The following CLPTM1L variants were observed in gnomAD, a reference collection of about 807,000 sequenced individuals.
The protein encoded by CLPTM1L is lipid scramblase CLPTM1L.
Under a neutral mutation model 70.9 loss-of-function variants are expected in CLPTM1L, and 38 were observed. The observed-to-expected ratio is 0.54, with a 90% CI of 0.41 to 0.70. The LOEUF (loss-of-function observed/expected upper bound fraction) is 0.70, where lower values mean the gene tolerates loss of function less well. Among genes scored for constraint, CLPTM1L ranks in the 30% least tolerant of loss-of-function variants. The pLI, the probability that CLPTM1L is intolerant of heterozygous loss-of-function variation, is 0.00. For synonymous variants in CLPTM1L, 339 were observed against 299.9 expected (o/e 1.13, Z -1.35); for missense variants, 652 against 705.9 (o/e 0.92, Z 0.87).
rs1350556545 is a variant in CLPTM1L, at chr5:1,342,057, C to T, written c.264-197G>A. 3.3e-5 allele frequency among the ~76,000 whole-genome samples: 5 copies of T among 151,830 alleles called. No homozygotes were observed. Among genetic ancestry groups the T allele is most frequent in the Admixed American group, 6.6e-5 (1 of 15,260 alleles). ...GTGTGTGTGCACGCGCACGCGTGCGCGTCCTGAGAACTCGGCACAGGTGTG... is the reference window on the plus strand; with the variant it reads ...GTGTGTGTGCACGCGCACGCGTGCGTGTCCTGAGAACTCGGCACAGGTGTG... On this transcript the variant is annotated intron_variant, in intron 2 of 16. Coordinates refer to ENST00000320895, the MANE Select transcript of CLPTM1L (RefSeq NM_030782.5). This position sits in a 1 kb window ranked among gnomAD's most constrained non-coding sequence, Gnocchi z 4.3.
chr5:1,327,526 A>G (rs958647605), intron 9 of CLPTM1L, among the ~76,000 whole-genome samples: 1 of 147,736 alleles, frequency 6.8e-6, no homozygotes, highest in Non-Finnish European at 1.5e-5. Flanking sequence ...CATTCCATCC[A>G]GCTCCTCCTC....
intron 9 of CLPTM1L, 194 bp from the exon 10 acceptor site, chr5:1,326,010 C>T (rs1054487069): frequency 1.2e-5 from 7 of 573,414 alleles, no homozygotes; most frequent in Admixed American, 3.0e-5. Flanking sequence ...ACACGGCAGG[C>T]GTACCTGGTC....
Position 1,318,558 on chromosome 5 carries a change from T to G in CLPTM1L, c.1533-105A>C. The G allele has an allele frequency of 3.4e-6, 3 of 892,630 alleles. No individual in the cohort carries two copies. Among genetic ancestry groups the G allele is most frequent in the Non-Finnish European group, 5.4e-6 (3 of 559,050 alleles). 55.3% of individuals were successfully genotyped at this position (892,630 alleles called of 1,614,324 possible). A position where few individuals can be genotyped will look rare whatever the true frequency, so the allele number is the denominator to read the frequency against. On this transcript the variant is annotated intron_variant, in intron 16 of 16. Coordinates refer to ENST00000320895, the MANE Select transcript of CLPTM1L (RefSeq NM_030782.5). The surrounding 1 kb of genome is among the most constrained non-coding windows in gnomAD (Gnocchi z 8.9). ...TTTATTTTCCAGTGAGCTGCCACAG[T>G]GAGCAAATTAACTAAAAAGTCGAAT...
At chr5:1,331,483 G>C in intron 8 of CLPTM1L, 1 of 443,164 alleles carries the variant, frequency 2.3e-6, no homozygotes, top group East Asian at 3.4e-5. Flanking sequence ...TGAGCAGCCG[G>C]GAAGGCTCGA....
At chr5:1,323,372 A>C (rs1752292510) in intron 12 of CLPTM1L, among the ~76,000 whole-genome samples, 1 of 131,684 alleles carries the variant, frequency 7.6e-6, no homozygotes, top group African/African-American at 2.5e-5. Flanking sequence ...CTCTTGGCTC[A>C]GGGCCAGCAC....
chr5:1,330,149 G>T, intron 9 of CLPTM1L, 131 bp downstream of exon 9: 2 of 746,678 alleles, frequency 2.7e-6, no homozygotes, highest in Non-Finnish European at 4.7e-6. Flanking sequence ...ACAGCTTCCA[G>T]AACACTGAGG....
chr5:1,318,147 A>G lies in CLPTM1L; in HGVS notation c.*222T>C. On this transcript the variant is annotated 3_prime_UTR_variant, in exon 17 of 17. Transcript: ENST00000320895. This position sits in a 1 kb window ranked among gnomAD's most constrained non-coding sequence, Gnocchi z 8.9. ...GCCACCACAGCTCAAGGTGACCGGC[A>G]GCACCCAGCTCTGTGACCAAGACAG... 1 of 546,502 alleles carries G rather than the reference A, an allele frequency of 1.8e-6. No homozygotes were observed. Among genetic ancestry groups the G allele is most frequent in the South Asian group, 2.6e-5 (1 of 38,550 alleles). The allele number at this position is 546,502 out of a possible 1,614,324, so 33.9% of individuals were successfully genotyped here.
intron 2 of CLPTM1L, among the ~76,000 whole-genome samples, chr5:1,343,818 A>G (rs956094552): frequency 2.6e-5 from 4 of 152,252 alleles, no homozygotes; most frequent in African/African-American, 9.6e-5. Context: ...AATCATATTT[A>G]AAAGTATACT....
At chr5:1,330,471 TCCCAACCCACCACG>T (rs1753015394) in intron 8 of CLPTM1L, 88 bp from the exon 9 acceptor site, 3 of 1,038,434 alleles carry the variant, frequency 2.9e-6, no homozygotes, top group Non-Finnish European at 4.4e-6. Context: ...CAGTCCCCCA[TCCCAACCCACCACG>T]CCCAAGAAGC....
rs753046675 is a variant in CLPTM1L, at chr5:1,338,986, T to G, written c.473A>C (p.Lys158Thr). 1.6e-5 allele frequency: 26 copies of G among 1,613,066 alleles called. No homozygotes were observed. Among genetic ancestry groups the G allele is most frequent in the Non-Finnish European group, 2.2e-5 (26 of 1,179,918 alleles). Residue 158 changes from lysine to threonine, a missense_variant, in exon 4 of 17, where the codon AAG becomes ACG. Transcript: ENST00000320895. The part of the protein sequence containing the change: ...SDTQQIEAEK[K>T]PTSALDEPVS... Reference sequence around the variant, plus strand: ...TGGCTCATCCAGGGCACTCGTCGGCTTCTTCTCCGCCTCGATCTGCTGTTA... The same window carrying G: ...TGGCTCATCCAGGGCACTCGTCGGCGTCTTCTCCGCCTCGATCTGCTGTTA...
rs71309294 is a variant in CLPTM1L at position 1,342,039 on chromosome 5, T to TGCGCGCGCGCGC, written c.264-180_264-179insGCGCGCGCGCGC. Among the ~76,000 whole-genome samples the TGCGCGCGCGCGC allele has an allele frequency of 5.4e-5, 8 of 149,090 alleles. No homozygotes were observed. Among genetic ancestry groups the TGCGCGCGCGCGC allele is most frequent in the South Asian group, 4.2e-4 (2 of 4,752 alleles). ...GTGTGTGTGTGTGTGTGTGTGTGTG[T>TGCGCGCGCGCGC]GCACGCGCACGCGTGCGCGTCCTGA... On this transcript the variant is annotated intron_variant, in intron 2 of 16. Coordinates refer to ENST00000320895, the MANE Select transcript of CLPTM1L (RefSeq NM_030782.5). The surrounding 1 kb of genome is among the most constrained non-coding windows in gnomAD (Gnocchi z 4.3).
chr5:1,318,194 G>A lies in CLPTM1L; in HGVS notation c.*175C>T, dbSNP rs937953909. 13 of 608,436 alleles carry A rather than the reference G, an allele frequency of 2.1e-5. No homozygotes were observed. The highest frequency in any genetic ancestry group is 4.3e-4 in the Middle Eastern group (1 of 2,326). The allele number at this position is 608,436 out of a possible 1,614,324, so 37.7% of individuals were successfully genotyped here. A position where few individuals can be genotyped will look rare whatever the true frequency, so the allele number is the denominator to read the frequency against. On this transcript the variant is annotated 3_prime_UTR_variant, in exon 17 of 17. Transcript: ENST00000320895. This position sits in a 1 kb window ranked among gnomAD's most constrained non-coding sequence, Gnocchi z 8.9. ...ACAGATGTTCACACGTGGGGGCATCGTAAGCGCTACCAGCTCCAAATCTGA... is the reference window on the plus strand; with the variant it reads ...ACAGATGTTCACACGTGGGGGCATCATAAGCGCTACCAGCTCCAAATCTGA...
intron 9 of CLPTM1L, chr5:1,326,083 C>A (rs916117795): frequency 2.1e-6 from 1 of 480,758 alleles, no homozygotes. Flanking sequence ...CAGTTCTTTA[C>A]GCCACTCTGC....
chr5:1,338,993 C>G lies in CLPTM1L; in HGVS notation c.466G>C (p.Glu156Gln), dbSNP rs1454582820. The G allele has an allele frequency of 6.2e-7, 1 of 1,613,058 alleles. No homozygotes were observed. The highest frequency in any genetic ancestry group is 1.7e-5 in the Admixed American group (1 of 60,014). Reference sequence around the variant, plus strand: ...TCCAGGGCACTCGTCGGCTTCTTCTCCGCCTCGATCTGCTGTTAAGTGAGG... The same window carrying G: ...TCCAGGGCACTCGTCGGCTTCTTCTGCGCCTCGATCTGCTGTTAAGTGAGG... ...GESDTQQIEA[E>Q]KKPTSALDEP... is the part of the protein sequence containing the mutation. The change falls in exon 4 of 17, where the codon GAG becomes CAG. Residue 156 changes from glutamate (E) to glutamine (Q), a missense_variant. Coordinates refer to ENST00000320895, the MANE Select transcript of CLPTM1L (RefSeq NM_030782.5).
At chr5:1,339,139 CCCTAA>C in intron 3 of CLPTM1L, 134 bp from the exon 4 acceptor site, 1 of 1,058,742 alleles carries the variant, frequency 9.4e-7, no homozygotes, top group Non-Finnish European at 1.3e-6. Context: ...AGGGTCAGCC[CCCTAA>C]CCTGTGAAGA....
At chr5:1,343,976 A>C (rs1355195455) in intron 2 of CLPTM1L, among the ~76,000 whole-genome samples, 1 of 152,198 alleles carries the variant, frequency 6.6e-6, no homozygotes, top group Non-Finnish European at 1.5e-5. Context: ...TTTCCCTCAC[A>C]AGTAACTTAA....
At chr5:1,343,320 A>G (rs1560874299) in intron 2 of CLPTM1L, among the ~76,000 whole-genome samples, 2 of 152,206 alleles carry the variant, frequency 1.3e-5, no homozygotes, top group Non-Finnish European at 2.9e-5. Flanking sequence ...CAGAGGGTGC[A>G]GGGCTGTGTA....
At chr5:1,324,369 G>A (rs563618219) in intron 11 of CLPTM1L, among the ~76,000 whole-genome samples, 10 of 152,356 alleles carry the variant, frequency 6.6e-5, no homozygotes, top group Admixed American at 1.3e-4. Context: ...GAAAGGTGAC[G>A]CCCTGTGCTG....
intron 1 of CLPTM1L, 112 bp from the exon 2 acceptor site, chr5:1,344,563 G>A (rs1754155437): frequency 1.1e-5 from 16 of 1,451,616 alleles, no homozygotes; most frequent in African/African-American, 1.4e-5. Flanking sequence ...ACCAGGAAAG[G>A]TTCCATCTCG....
Sources: gnomAD v4.1 joint callset for allele counts (sites outside exome capture counted in the v4.1 genomes callset) on GRCh38, gnomAD v4.1.1 for gene constraint, Gnocchi (gnomAD v3.1) non-coding constraint, MANE v1.5 for transcripts, NCBI Gene and HGNC (gene_info 2026-07-23, HGNC 2026-07-21) for gene names.